MGMT: variants seen among roughly 807,000 people sequenced by gnomAD.
MGMT encodes methylated-DNA--protein-cysteine methyltransferase.
In MGMT, 14 loss-of-function variants were observed where a neutral mutation model predicts 15.9. That is an observed-to-expected ratio of 0.88 (90% CI 0.58 to 1.37). MGMT has a LOEUF of 1.37. Ranked by LOEUF, MGMT falls within the 40% of genes most tolerant of loss-of-function variation. MGMT has a pLI of 0.00. For missense variants in MGMT, 282 were observed against 268.1 expected (o/e 1.05, Z -0.36); for synonymous variants, 130 against 118.2 (o/e 1.10, Z -0.65).
Position 129,516,466 on chromosome 10 carries a change from T to C in MGMT, c.-12-19775T>C, listed in dbSNP as rs11016827. On this transcript the variant is annotated intron_variant, in intron 1 of 4. Transcript: ENST00000651593. ...GGTGTGTCCCTCCTCTTACCCGGCA[T>C]GGTGTTTCCAGAAAGCAGATGGGAG... 2.3e-3 allele frequency among the ~76,000 whole-genome samples: 344 copies of C among 152,248 alleles called. 1 individual carries two copies. Among genetic ancestry groups the C allele is most frequent in the Non-Finnish European group, 3.9e-3 (267 of 68,014 alleles).
intron 1 of MGMT, among the ~76,000 whole-genome samples, chr10:129,519,555 C>T (rs1454373874): frequency 6.6e-6 from 1 of 152,292 alleles, no homozygotes. Flanking sequence ...AGTTCAGTGC[C>T]GTCAAGGCCC....
rs1291145106 is a variant in MGMT, at chr10:129,536,374, CTGAG to C, written c.124_125+2del. 4.3e-6 allele frequency: 7 copies of C among 1,612,724 alleles called. No homozygotes were observed. In the African/African-American group the frequency reaches 9.4e-5, roughly 22 times the overall value. ...CTCCTGGGCAAGGGGACGTCTGCAGCTGAGTAAGTATGAGCCCACGTGATCCTGT... is the reference window on the plus strand; with the variant it reads ...CTCCTGGGCAAGGGGACGTCTGCAGCTAAGTATGAGCCCACGTGATCCTGT... On this transcript the variant is annotated splice_donor_variant and coding_sequence_variant, in exon 2 of 5. Coordinates refer to ENST00000651593, the MANE Select transcript of MGMT (RefSeq NM_002412.5). LOFTEE classifies it high-confidence loss of function.
At chr10:129,715,389 T>C (rs1848282136) in intron 3 of MGMT, 1 of 152,244 alleles carries the variant, frequency 6.6e-6, no homozygotes, top group Non-Finnish European at 1.5e-5. Flanking sequence ...GAAATGTAAA[T>C]TGCATCATTG....
At chr10:129,569,955 G>T (rs990813831) in intron 2 of MGMT, among the ~76,000 whole-genome samples, 2 of 152,154 alleles carry the variant, frequency 1.3e-5, no homozygotes, top group Admixed American at 1.3e-4. Flanking sequence ...TTCTTTGCCC[G>T]CCTGAACATT....
rs73388713 is a variant in MGMT at position 129,624,485 on chromosome 10, C to T, written c.126-83410C>T. Among the ~76,000 whole-genome samples the T allele has an allele frequency of 2.1e-3, 326 of 152,114 alleles. 2 individuals carry two copies. Among genetic ancestry groups the T allele is most frequent in the African/African-American group, 7.1e-3 (295 of 41,422 alleles). ...TGTAAAGGGATTATGTATTCATACT[C>T]GAAATAGGGATACATTAGGGGAATA... On this transcript the variant is annotated intron_variant, in intron 2 of 4. Transcript: ENST00000651593.
chr10:129,755,455 G>A (rs1422737471), intron 3 of MGMT, among the ~76,000 whole-genome samples: 13 of 152,292 alleles, frequency 8.5e-5, no homozygotes, highest in East Asian at 3.9e-4. Context: ...AGCATGACCC[G>A]GCAGGTAGCA....
chr10:129,683,597 A>G (rs977269837), intron 2 of MGMT, among the ~76,000 whole-genome samples: 6 of 152,172 alleles, frequency 3.9e-5, no homozygotes, highest in Non-Finnish European at 8.8e-5. Context: ...TGACAGTAAT[A>G]TATTTTAACT....
rs1848967280 is a variant in MGMT, at chr10:129,768,750, C to T, written c.*1753C>T. 6.6e-6 allele frequency: 1 copy of T among 152,336 alleles called. No homozygotes were observed. The highest frequency in any genetic ancestry group is 6.5e-5 in the Admixed American group (1 of 15,288). The allele number at this position is 152,336 out of a possible 1,614,324, so 9.4% of individuals were successfully genotyped here. On this transcript the variant is annotated 3_prime_UTR_variant, in exon 5 of 5. Coordinates refer to ENST00000651593, the MANE Select transcript of MGMT (RefSeq NM_002412.5). ...GAGCCGTGCGGTGTGCTGTGGAGAC[C>T]CCAGCACCACTTCCCCTGCTGGAGG... is the stretch of plus-strand genomic sequence containing the variant.
At chr10:129,472,486 C>A (rs549306130) in intron 1 of MGMT, among the ~76,000 whole-genome samples, 3 of 152,100 alleles carry the variant, frequency 2.0e-5, no homozygotes, top group African/African-American at 7.2e-5. Flanking sequence ...TCCCCCCAGT[C>A]CAATCCGAAT....
chr10:129,714,724 T>A (rs1011854411), intron 3 of MGMT, among the ~76,000 whole-genome samples: 4 of 152,184 alleles, frequency 2.6e-5, no homozygotes, highest in African/African-American at 9.7e-5. Flanking sequence ...ATTCCTAATT[T>A]AATAGCTATT....
chr10:129,538,173 A>G (rs954739540), intron 2 of MGMT, among the ~76,000 whole-genome samples: 3 of 152,260 alleles, frequency 2.0e-5, no homozygotes, highest in African/African-American at 7.2e-5. Flanking sequence ...AAAATTACAT[A>G]GAAGTCAGAT....
At chr10:129,638,210 C>T (rs116069523) in intron 2 of MGMT, among the ~76,000 whole-genome samples, 28 of 151,900 alleles carry the variant, frequency 1.8e-4, no homozygotes, top group East Asian at 5.8e-4. Flanking sequence ...GAACTCAACC[C>T]GGTGGTTATA....
chr10:129,502,462 C>T (rs920763841), intron 1 of MGMT, among the ~76,000 whole-genome samples: 3 of 151,958 alleles, frequency 2.0e-5, no homozygotes, highest in African/African-American at 7.3e-5. Context: ...CAGAAGCTGC[C>T]TTTCTCTGTG....
intron 1 of MGMT, among the ~76,000 whole-genome samples, chr10:129,505,343 A>G (rs1375364415): frequency 6.6e-6 from 1 of 152,248 alleles, no homozygotes; most frequent in Non-Finnish European, 1.5e-5. Flanking sequence ...TACAGGCTTT[A>G]TGATTAGGCT....
intron 2 of MGMT, among the ~76,000 whole-genome samples, chr10:129,685,230 G>C (rs146135191): frequency 6.6e-6 from 1 of 152,312 alleles, no homozygotes; most frequent in East Asian, 1.9e-4. Flanking sequence ...GAACACTTTC[G>C]CAGCTTTAAT....
intron 1 of MGMT, among the ~76,000 whole-genome samples, chr10:129,479,056 A>C (rs1845327374): frequency 6.6e-6 from 1 of 152,194 alleles, no homozygotes; most frequent in African/African-American, 2.4e-5. Flanking sequence ...ACATTTCGTA[A>C]ACACGGTTCT....
intron 1 of MGMT, among the ~76,000 whole-genome samples, chr10:129,477,296 T>C (rs1845306604): frequency 6.6e-6 from 1 of 152,172 alleles, no homozygotes; most frequent in Admixed American, 6.5e-5. Flanking sequence ...AGACTTGTAT[T>C]GTTTCCATCT....
intron 2 of MGMT, among the ~76,000 whole-genome samples, chr10:129,565,450 T>C (rs1846343659): frequency 6.6e-6 from 1 of 152,236 alleles, no homozygotes; most frequent in Admixed American, 6.5e-5. Context: ...GTAATATATC[T>C]TGTTGAATGA....
At chr10:129,640,446 T>G (rs1847315399) in intron 2 of MGMT, among the ~76,000 whole-genome samples, 1 of 152,178 alleles carries the variant, frequency 6.6e-6, no homozygotes, top group Non-Finnish European at 1.5e-5. Flanking sequence ...CAAGAAGAAA[T>G]AGTCTTAAAT....
Sources: gnomAD v4.1 joint callset for allele counts (sites outside exome capture counted in the v4.1 genomes callset) on GRCh38, gnomAD v4.1.1 for gene constraint, MANE v1.5 for transcripts, NCBI Gene and HGNC (gene_info 2026-07-23, HGNC 2026-07-21) for gene names.